The following ERBB4 variants were observed in gnomAD, a reference collection of about 807,000 sequenced individuals.
The protein encoded by ERBB4 is receptor tyrosine-protein kinase erbB-4.
A neutral mutation model predicts 158.0 loss-of-function variants in ERBB4; 42 were observed. The observed-to-expected ratio is 0.27, with a 90% CI of 0.21 to 0.34. ERBB4 has a LOEUF of 0.34. Among genes scored for constraint, ERBB4 ranks in the 10% least tolerant of loss-of-function variants. The pLI is 1.00. For missense variants in ERBB4, 1,333 were observed against 1,624.1 expected (o/e 0.82, Z 3.08); for synonymous variants, 583 against 558.7 (o/e 1.04, Z -0.61).
At chr2:212,508,655 C>G (rs1575052744) in intron 1 of ERBB4, among the ~76,000 whole-genome samples, 1 of 151,980 alleles carries the variant, frequency 6.6e-6, no homozygotes, top group Admixed American at 6.6e-5. Flanking sequence ...TGTACAGAAT[C>G]CAGGGGCATC....
At chr2:211,812,157 T>G (rs899922684) in intron 3 of ERBB4, among the ~76,000 whole-genome samples, 1 of 152,212 alleles carries the variant, frequency 6.6e-6, no homozygotes, top group East Asian at 1.9e-4. Flanking sequence ...TCCCCATCTT[T>G]GTGGTTTTAT....
intron 1 of ERBB4, among the ~76,000 whole-genome samples, chr2:212,301,321 A>T (rs2086613746): frequency 6.6e-6 from 1 of 151,306 alleles, no homozygotes; most frequent in African/African-American, 2.4e-5. Flanking sequence ...CTTAAGCATC[A>T]CATGTATTCA....
At chr2:211,500,393 C>A (rs190808639) in intron 20 of ERBB4, among the ~76,000 whole-genome samples, 2 of 152,072 alleles carry the variant, frequency 1.3e-5, no homozygotes, top group Admixed American at 6.5e-5. Flanking sequence ...GAAGAAAACT[C>A]CTAAAATAGG....
At chr2:211,840,973 A>G (rs1366178822) in intron 3 of ERBB4, among the ~76,000 whole-genome samples, 2 of 152,110 alleles carry the variant, frequency 1.3e-5, no homozygotes, top group Non-Finnish European at 2.9e-5. Flanking sequence ...TTTTTTCTAC[A>G]TTCCCTAAAC....
chr2:211,524,310 C>T (rs921754501), intron 20 of ERBB4, among the ~76,000 whole-genome samples: 4 of 152,180 alleles, frequency 2.6e-5, no homozygotes, highest in African/African-American at 7.2e-5. Context: ...GCCCAGCTGG[C>T]TTCACCCAGT....
At chr2:212,211,576 C>T (rs1451093146) in intron 1 of ERBB4, among the ~76,000 whole-genome samples, 1 of 104,794 alleles carries the variant, frequency 9.5e-6, no homozygotes, top group Non-Finnish European at 2.4e-5. Context: ...AAAGTCTAAA[C>T]AGCAGAAGTT....
intron 1 of ERBB4, among the ~76,000 whole-genome samples, chr2:212,533,826 C>T (rs530592740): frequency 7.6e-4 from 115 of 152,270 alleles, no homozygotes; most frequent in African/African-American, 2.6e-3. Context: ...TTCTACCCTG[C>T]ACAGGATACT....
At chr2:212,022,950 T>C (rs572174686) in intron 2 of ERBB4, among the ~76,000 whole-genome samples, 17 of 152,284 alleles carry the variant, frequency 1.1e-4, no homozygotes, top group Admixed American at 5.2e-4. Flanking sequence ...GCCATCTTTA[T>C]GGTGGTGGGA....
At chr2:211,387,223 C>A in intron 26 of ERBB4, 73 bp from the exon 27 acceptor site, 1 of 1,178,036 alleles carries the variant, frequency 8.5e-7, no homozygotes, top group Admixed American at 1.7e-5. Context: ...TTAATAGCCA[C>A]AAGGATATCA....
At position 212,532,471 on chromosome 2, in the gene ERBB4, C is replaced by T. The variant is rs553012999; in HGVS notation, c.82+5978G>A. Reference sequence around the variant, plus strand: ...CAACAACAAAAAAGAGGTCCACTTACAAAAATAATTAAAAACCAATAAACT... The same window carrying T: ...CAACAACAAAAAAGAGGTCCACTTATAAAAATAATTAAAAACCAATAAACT... On this transcript the variant is annotated intron_variant, in intron 1 of 27. Coordinates refer to ENST00000342788, the MANE Select transcript of ERBB4 (RefSeq NM_005235.3). Among the ~76,000 whole-genome samples, 267 of 137,628 alleles carry T rather than the reference C, an allele frequency of 1.9e-3. 4 individuals carry two copies. The highest frequency in any genetic ancestry group is 8.8e-4 in the Non-Finnish European group (57 of 65,128). The allele number at this position is 137,628 out of a possible 152,430, so 90.3% of individuals were successfully genotyped here. A position where few individuals can be genotyped will look rare whatever the true frequency, so the allele number is the denominator to read the frequency against.
chr2:212,114,362 G>A (rs2079510996), intron 2 of ERBB4, among the ~76,000 whole-genome samples: 1 of 152,086 alleles, frequency 6.6e-6, no homozygotes, highest in African/African-American at 2.4e-5. Context: ...ACGAGAGAAA[G>A]GTCAGTAGAG....
intron 1 of ERBB4, among the ~76,000 whole-genome samples, chr2:212,527,480 A>C (rs892568312): frequency 6.6e-6 from 1 of 152,096 alleles, no homozygotes; most frequent in African/African-American, 2.4e-5. Flanking sequence ...AATGACACCC[A>C]AAATTCACAG....
At chr2:212,099,639 C>G (rs1280491325) in intron 2 of ERBB4, among the ~76,000 whole-genome samples, 1 of 152,144 alleles carries the variant, frequency 6.6e-6, no homozygotes, top group Admixed American at 6.5e-5. Flanking sequence ...TTCCTACAAC[C>G]TCTACCTTAT....
chr2:211,434,053 C>T lies in ERBB4; in HGVS notation c.2488-2953G>A, dbSNP rs75238341. Among the ~76,000 whole-genome samples, 1,487 of 152,164 alleles carry T rather than the reference C, an allele frequency of 9.8e-3. 14 individuals carry two copies. The highest frequency in any genetic ancestry group is 0.016 in the Non-Finnish European group (1,061 of 67,990). On this transcript the variant is annotated intron_variant, in intron 20 of 27. Coordinates refer to ENST00000342788, the MANE Select transcript of ERBB4 (RefSeq NM_005235.3). The stretch of plus-strand genomic sequence containing the variant: ...TAATCATCCTTAGTATTTGTTTGAA[C>T]GATGAAGAAAGAGAATACACTGAGA...
At chr2:211,517,441 T>C (rs1178402812) in intron 20 of ERBB4, among the ~76,000 whole-genome samples, 1 of 152,130 alleles carries the variant, frequency 6.6e-6, no homozygotes, top group Non-Finnish European at 1.5e-5. Context: ...AAAATAAGGG[T>C]TATTTCTTCT....
At chr2:212,367,391 G>T (rs371352756) in intron 1 of ERBB4, among the ~76,000 whole-genome samples, 1 of 152,016 alleles carries the variant, frequency 6.6e-6, no homozygotes, top group Non-Finnish European at 1.5e-5. Context: ...CCACACGTAG[G>T]AGAATGATAC....
intron 20 of ERBB4, among the ~76,000 whole-genome samples, chr2:211,543,380 A>C (rs541848495): frequency 6.6e-6 from 1 of 152,122 alleles, no homozygotes; most frequent in Non-Finnish European, 1.5e-5. Context: ...ATATTGTAGT[A>C]ATATTAAAAA....
chr2:211,736,878 A>G (rs1380179849), intron 5 of ERBB4, among the ~76,000 whole-genome samples: 1 of 152,176 alleles, frequency 6.6e-6, no homozygotes, highest in Admixed American at 6.5e-5. Flanking sequence ...AAAATAATAT[A>G]ATCTATAGAT....
intron 3 of ERBB4, among the ~76,000 whole-genome samples, chr2:211,840,213 G>T (rs989007080): frequency 8.6e-5 from 13 of 151,960 alleles, no homozygotes; most frequent in Non-Finnish European, 1.5e-4. Flanking sequence ...AGTCTCAAGA[G>T]ATCTGATGGT....
Sources: gnomAD v4.1 joint callset for allele counts (sites outside exome capture counted in the v4.1 genomes callset) on GRCh38, gnomAD v4.1.1 for gene constraint, MANE v1.5 for transcripts, NCBI Gene and HGNC (gene_info 2026-07-23, HGNC 2026-07-21) for gene names.